CELF2: variants seen among roughly 807,000 people sequenced by gnomAD.
CELF2 encodes the protein CUG triplet repeat RNA-binding protein 2.
A neutral mutation model predicts 62.6 loss-of-function variants in CELF2; 8 were observed. That is an observed-to-expected ratio of 0.13 (90% CI 0.07 to 0.23). CELF2 has a LOEUF of 0.23. Ranked by LOEUF, CELF2 falls within the 10% of genes least tolerant of loss-of-function variation. The pLI is 1.00. For missense variants in CELF2, 333 were observed against 671.0 expected, an observed-to-expected ratio of 0.50 and a Z score of 5.56; for synonymous variants, 258 against 250.0, an observed-to-expected ratio of 1.03 and a Z score of -0.30.
At chr10:11,128,970 A>G (rs1381429906) in intron 1 of CELF2, among the ~76,000 whole-genome samples, 1 of 152,188 alleles carries the variant, frequency 6.6e-6, no homozygotes, top group Non-Finnish European at 1.5e-5. Flanking sequence ...TTCAAAGGGA[A>G]TGCTTCCAAT....
At chr10:10,878,303 C>T (rs1041080269) in intron 1 of CELF2, among the ~76,000 whole-genome samples, 1 of 152,206 alleles carries the variant, frequency 6.6e-6, no homozygotes, top group Non-Finnish European at 1.5e-5. Flanking sequence ...GAGCCATCTC[C>T]CTGGGCTAAT....
intron 4 of CELF2, among the ~76,000 whole-genome samples, chr10:11,251,316 G>A (rs187989790): frequency 8.8e-6 from 1 of 113,284 alleles, no homozygotes; most frequent in South Asian, 2.8e-4. Flanking sequence ...TGCTGTGCAG[G>A]TATTCATTTG....
the CELF2 span, among the ~76,000 whole-genome samples, chr10:10,701,961 C>G: frequency 6.6e-6 from 1 of 152,222 alleles, no homozygotes; most frequent in African/African-American, 2.4e-5. Context: ...AATCTGCAGT[C>G]AACTCCAAAT....
the CELF2 span, among the ~76,000 whole-genome samples, chr10:10,747,465 G>A: frequency 1.3e-5 from 2 of 152,160 alleles, no homozygotes; most frequent in Admixed American, 6.5e-5. Flanking sequence ...ATTGCTAGAT[G>A]GTGTCTGGAG....
the CELF2 span, among the ~76,000 whole-genome samples, chr10:10,715,910 C>A: frequency 6.6e-6 from 1 of 152,180 alleles, no homozygotes; most frequent in South Asian, 2.1e-4. Context: ...AATATTGAAC[C>A]TTTCTGCATA....
In CELF2 at chr10:11,165,473, C is replaced by T. The variant is rs774442582; in HGVS notation, c.75-13C>T. ...GCCGCCCTAACTCTGGCTCCCGGTT[C>T]CGTTTTTGACAGTAACGGCACAGCC... is the stretch of plus-strand genomic sequence containing the variant. On this transcript the variant is annotated splice_polypyrimidine_tract_variant and intron_variant, in intron 1 of 12. Coordinates refer to ENST00000633077, the MANE Select transcript of CELF2 (RefSeq NM_001326342.2). The surrounding 1 kb of genome is among the most constrained non-coding windows in gnomAD (Gnocchi z 7.4). 6.2e-7 allele frequency: 1 copy of T among 1,608,274 alleles called. No homozygotes were observed. Among genetic ancestry groups the T allele is most frequent in the Non-Finnish European group, 8.5e-7 (1 of 1,176,816 alleles).
At chr10:10,959,645 A>C (rs1044035919) in intron 2 of CELF2, among the ~76,000 whole-genome samples, 1 of 152,182 alleles carries the variant, frequency 6.6e-6, no homozygotes, top group Non-Finnish European at 1.5e-5. Flanking sequence ...CTTCCAAAGC[A>C]TGGAATATGC....
intron 1 of CELF2, among the ~76,000 whole-genome samples, chr10:10,850,951 G>GC (rs540597386): frequency 8.0e-4 from 121 of 151,988 alleles, no homozygotes; most frequent in African/African-American, 2.7e-3. Flanking sequence ...GATTATAGGC[G>GC]CCCCCCACCA....
chr10:11,100,823 T>G (rs551203006), intron 1 of CELF2, among the ~76,000 whole-genome samples: 2 of 152,320 alleles, frequency 1.3e-5, no homozygotes, highest in African/African-American at 4.8e-5. Flanking sequence ...TCTGTGTTTG[T>G]TGTCAAGGGA....
At chr10:11,236,963 T>G (rs954430330) in intron 3 of CELF2, among the ~76,000 whole-genome samples, 1 of 152,202 alleles carries the variant, frequency 6.6e-6, no homozygotes, top group African/African-American at 2.4e-5. Context: ...TGGAATTCCC[T>G]GAAATACATG....
intron 1 of CELF2, among the ~76,000 whole-genome samples, chr10:10,800,030 C>G (rs1001610803): frequency 1.3e-5 from 2 of 151,600 alleles, no homozygotes; most frequent in Admixed American, 1.3e-4. Flanking sequence ...TTTTTCCTGA[C>G]ATTTGTGTTG....
chr10:10,975,698 A>G (rs971949573), intron 2 of CELF2, among the ~76,000 whole-genome samples: 3 of 152,232 alleles, frequency 2.0e-5, no homozygotes, highest in African/African-American at 7.2e-5. Flanking sequence ...GCACATTCAC[A>G]TATATGGTGG....
the CELF2 span, among the ~76,000 whole-genome samples, chr10:10,691,069 A>T: frequency 6.6e-6 from 1 of 152,060 alleles, no homozygotes; most frequent in Non-Finnish European, 1.5e-5. Context: ...GGTTAGTTAC[A>T]TATGTATACA....
At chr10:10,626,285 G>A in the CELF2 span, among the ~76,000 whole-genome samples, 9 of 152,196 alleles carry the variant, frequency 5.9e-5, no homozygotes, top group African/African-American at 7.2e-5. Context: ...TCATTCCTTC[G>A]AAAGGAAAGG....
chr10:10,741,746 A>G, the CELF2 span, among the ~76,000 whole-genome samples: 2 of 152,144 alleles, frequency 1.3e-5, no homozygotes, highest in African/African-American at 2.4e-5. Flanking sequence ...TCCACTCAGT[A>G]TCTCCACTTA....
the CELF2 span, among the ~76,000 whole-genome samples, chr10:10,786,479 A>G: frequency 1.3e-4 from 3 of 22,642 alleles, no homozygotes; most frequent in Non-Finnish European, 1.6e-4. Context: ...GATCCATTTG[A>G]AAAAAAAAAA....
At chr10:10,785,985 G>T in the CELF2 span, among the ~76,000 whole-genome samples, 4 of 152,016 alleles carry the variant, frequency 2.6e-5, no homozygotes, top group African/African-American at 9.7e-5. Context: ...ATGTCAGGTT[G>T]TATATCATAA....
In CELF2 at chr10:10,936,559, TGCAGGGCCTGTTCTTGGG is replaced by T. The variant is rs2046416217; in HGVS notation, c.89+16565_89+16582del. 3 of 152,222 alleles carry T rather than the reference TGCAGGGCCTGTTCTTGGG, an allele frequency of 2.0e-5. No individual in the cohort carries two copies. Among genetic ancestry groups the T allele is most frequent in the Admixed American group, 2.0e-4 (3 of 15,280 alleles). The allele number at this position is 152,222 out of a possible 1,614,324, so 9.4% of individuals were successfully genotyped here. ...GGGGTGGATGGAGTCCAGTTATCAT[TGCAGGGCCTGTTCTTGGG>T]GCAGAAGAGTCAGGAACCCTTTTAA... On this transcript the variant is annotated intron_variant, in intron 2 of 13. Coordinates refer to the CELF2 transcript ENST00000636488. This position sits in a 1 kb window ranked among gnomAD's most constrained non-coding sequence, Gnocchi z 4.0.
chr10:11,133,581 T>C (rs977457652), intron 1 of CELF2, among the ~76,000 whole-genome samples: 1 of 152,126 alleles, frequency 6.6e-6, no homozygotes, highest in African/African-American at 2.4e-5. Context: ...CAAACATCAA[T>C]ACTTAAAAAC....
Sources: gnomAD v4.1 joint callset for allele counts (sites outside exome capture counted in the v4.1 genomes callset) on GRCh38, gnomAD v4.1.1 for gene constraint, Gnocchi (gnomAD v3.1) non-coding constraint, MANE v1.5 for transcripts, NCBI Gene and HGNC (gene_info 2026-07-23, HGNC 2026-07-21) for gene names.